The following COL16A1 variants were observed in gnomAD, a reference collection of about 807,000 sequenced individuals.
COL16A1 encodes collagen alpha-1(XVI) chain.
COL16A1 carries 189 observed loss-of-function variants against 266.3 expected under a neutral mutation model. The ratio of observed to expected loss-of-function variants is 0.71; its 90% confidence interval spans 0.63 to 0.80. The LOEUF is 0.80. Ranked by LOEUF, COL16A1 falls within the 30% of genes least tolerant of loss-of-function variation. The probability of loss-of-function intolerance (pLI) is 0.00; values close to 1 mark genes in which losing one functional copy is unlikely to be tolerated. For missense variants in COL16A1, 1,928 were observed against 2,122.4 expected, an observed-to-expected ratio of 0.91 and a Z score of 1.80; for synonymous variants, 740 against 782.3, an observed-to-expected ratio of 0.95 and a Z score of 0.90.
rs1641038364 is a variant in COL16A1 at position 31,655,361 on chromosome 1, G to A, written c.4243C>T (p.Pro1415Ser). Residue 1415 changes from proline to serine, a missense_variant, in exon 67 of 71, where the codon CCG becomes TCG. By Grantham distance (74) the Pro-to-Ser change is moderately conservative (BLOSUM62 -1). Coordinates refer to ENST00000373672, the MANE Select transcript of COL16A1 (RefSeq NM_001856.4). ...PAGERGHPGAPGPSGSPGLPG... is the reference protein window; with the variant it reads ...PAGERGHPGASGPSGSPGLPG... ...AAGCCAGGGCTCCCCGAAGGCCCCGGAGCTCCAGGGTGGCCTCTCTCTCCT... is the reference window on the plus strand; with the variant it reads ...AAGCCAGGGCTCCCCGAAGGCCCCGAAGCTCCAGGGTGGCCTCTCTCTCCT... 1 of 1,613,798 alleles carries A rather than the reference G, an allele frequency of 6.2e-7. No individual in the cohort carries two copies. The highest frequency in any genetic ancestry group is 8.5e-7 in the Non-Finnish European group (1 of 1,179,962).
Position 31,690,568 on chromosome 1 carries a change from G to C in COL16A1, c.1443C>G (p.Ser481Arg). ...GGCCTTCCTTTCCTGGGATCCCCGAGCTGCCCTGTGGTCAGAAGAAAGGAT... is the reference window on the plus strand; with the variant it reads ...GGCCTTCCTTTCCTGGGATCCCCGACCTGCCCTGTGGTCAGAAGAAAGGAT... ...GPPGPKGDKG[S>R]SGIPGKEGPG... Residue 481 changes from serine to arginine, a missense_variant, in exon 21 of 71, where the codon AGC (serine) becomes AGG (arginine). Physicochemically the swap from Ser to Arg is moderately radical, Grantham distance 110. Coordinates refer to ENST00000373672, the MANE Select transcript of COL16A1 (RefSeq NM_001856.4). 6.2e-7 allele frequency: 1 copy of C among 1,613,728 alleles called. No homozygotes were observed. Among genetic ancestry groups the C allele is most frequent in the Non-Finnish European group, 8.5e-7 (1 of 1,179,854 alleles).
rs118065716 is a variant in COL16A1, at chr1:31,673,598, C to T, written c.2860-758G>A. Among the ~76,000 whole-genome samples, 149 of 152,340 alleles carry T rather than the reference C, an allele frequency of 9.8e-4. 4 individuals are homozygous for T. The East Asian group carries it at 0.025, about 25-fold the overall frequency. On this transcript the variant is annotated intron_variant, in intron 44 of 70. Coordinates refer to ENST00000373672, the MANE Select transcript of COL16A1 (RefSeq NM_001856.4). ...ACTGGCATTTACTCAGCACCCATGA[C>T]GCTGGGCATTGTACATAATAAGCCC... is the stretch of plus-strand genomic sequence containing the variant.
chr1:31,688,936 C>T lies in COL16A1; in HGVS notation c.1692G>A (p.Gly564=). 6.2e-7 allele frequency: 1 copy of T among 1,614,148 alleles called. No individual in the cohort carries two copies. Among genetic ancestry groups the T allele is most frequent in the African/African-American group, 1.3e-5 (1 of 75,032 alleles). The part of the protein sequence containing the change: ...EPCLSCSSVV[G]AQHLVSSTGA... ...CTGTGGAGGACACAAGATGCTGGGC[C>T]CCTACAACCGAGCTGCAGGACAAGC... The change falls in exon 25 of 71, where the codon GGG becomes GGA. Residue 564 remains glycine, a synonymous_variant. Transcript: ENST00000373672. This position sits in a 1 kb window ranked among gnomAD's most constrained non-coding sequence, Gnocchi z 4.9.
In COL16A1 at chr1:31,659,047, A is replaced by C. The variant is rs1234142594; in HGVS notation, c.3880-83T>G. ...GGCACAGGGCCTGACAGCAGAAACA[A>C]GCTCTAAACTTCAGCAGCTCCATTT... On this transcript the variant is annotated intron_variant, in intron 62 of 70. Coordinates refer to ENST00000373672, the MANE Select transcript of COL16A1 (RefSeq NM_001856.4). 5 of 1,266,210 alleles carry C rather than the reference A, an allele frequency of 3.9e-6. No homozygotes were observed. In the Admixed American group the frequency reaches 1.0e-4, roughly 26 times the overall value. The allele number at this position is 1,266,210 out of a possible 1,614,324, so 78.4% of individuals were successfully genotyped here.
intron 60 of COL16A1, 146 bp downstream of exon 60, chr1:31,661,268 T>G (rs931433961): frequency 5.5e-5 from 83 of 1,502,038 alleles, no homozygotes; most frequent in Non-Finnish European, 7.5e-5. Context: ...AGAGAAGCCC[T>G]GACCCAGTCT....
At chr1:31,655,682 G>A in intron 66 of COL16A1, 180 bp from the exon 67 acceptor site, 2 of 1,043,548 alleles carry the variant, frequency 1.9e-6, no homozygotes, top group Non-Finnish European at 2.7e-6. Context: ...CAGTTCTCCT[G>A]GTGTTACTCC....
intron 17 of COL16A1, 136 bp from the exon 18 acceptor site, chr1:31,691,778 C>A: frequency 8.2e-7 from 1 of 1,224,980 alleles, no homozygotes; most frequent in South Asian, 1.5e-5. Flanking sequence ...GCCCCAAGGT[C>A]AGCACATGTC....
intron 55 of COL16A1, 27 bp from the exon 56 acceptor site, chr1:31,665,261 A>G (rs1642028152): frequency 6.3e-7 from 1 of 1,583,654 alleles, no homozygotes; most frequent in African/African-American, 1.4e-5. Context: ...GCAGGCAGGA[A>G]TGAAAGTGGG....
rs762810961 is a variant in COL16A1 at position 31,691,446 on chromosome 1, G to T, written c.1369C>A (p.Pro457Thr). 6 of 1,612,888 alleles carry T rather than the reference G, an allele frequency of 3.7e-6. No individual in the cohort carries two copies. Among genetic ancestry groups the T allele is most frequent in the East Asian group, 4.5e-5 (2 of 44,876 alleles). Residue 457 changes from proline to threonine, a missense_variant, in exon 19 of 71, where the codon CCC becomes ACC. Physicochemically the swap from Pro to Thr is conservative, Grantham distance 38. Coordinates refer to ENST00000373672, the MANE Select transcript of COL16A1 (RefSeq NM_001856.4). ...GTCCCAGGCAGTCCTATCCCAGGGG[G>T]TCCAGGGAGGCCGGGGGGCCCAGGC... ...GEPGPPGLPG[P>T]PGIGLPGTPG...
chr1:31,697,133 T>G lies in COL16A1; in HGVS notation c.739-45A>C. ...GGCTAGGGTCAGTACAGGAGCAGAC[T>G]CCTCCTAAGACCTCCAGGCATCACC... On this transcript the variant is annotated intron_variant, in intron 7 of 70. Transcript: ENST00000373672. The surrounding 1 kb of genome is among the most constrained non-coding windows in gnomAD (Gnocchi z 4.2). The G allele has an allele frequency of 6.2e-7, 1 of 1,613,104 alleles. No individual in the cohort carries two copies. Among genetic ancestry groups the G allele is most frequent in the Non-Finnish European group, 8.5e-7 (1 of 1,179,400 alleles).
chr1:31,671,360 G>A (rs182833864), intron 48 of COL16A1, among the ~76,000 whole-genome samples: 3 of 152,188 alleles, frequency 2.0e-5, no homozygotes, highest in Non-Finnish European at 4.4e-5. Context: ...GTGGGGACAG[G>A]GAAGCAAAGA....
chr1:31,688,976 G>C lies in COL16A1; in HGVS notation c.1657-5C>G, dbSNP rs769433105. On this transcript the variant is annotated splice_polypyrimidine_tract_variant and splice_region_variant and intron_variant, in intron 24 of 70. Transcript: ENST00000373672. The surrounding 1 kb of genome is among the most constrained non-coding windows in gnomAD (Gnocchi z 4.9). Reference sequence around the variant, plus strand: ...GCAGGACAAGCAGGGCTCCCCCTGGGGAAAGAAGAGGAAGGATCAGAAATG... The same window carrying C: ...GCAGGACAAGCAGGGCTCCCCCTGGCGAAAGAAGAGGAAGGATCAGAAATG... 3.1e-6 allele frequency: 5 copies of C among 1,613,994 alleles called. No individual in the cohort carries two copies. The Admixed American group carries it at 6.7e-5, about 22-fold the overall frequency.
rs114864491 is a variant in COL16A1, at chr1:31,680,870, C to A, written c.2610+35G>T. ...GGGAAGGCTGGAGGGGCTGCTAATC[C>A]CCTAGAATATGGGTCACAGGCCCTT... On this transcript the variant is annotated intron_variant, in intron 39 of 70. Transcript: ENST00000373672. 350 of 1,614,030 alleles carry A rather than the reference C, an allele frequency of 2.2e-4. No homozygotes were observed. The African/African-American group carries it at 4.3e-3, about 20-fold the overall frequency.
At position 31,666,059 on chromosome 1, in the gene COL16A1, A is replaced by G; in HGVS notation, c.3380T>C (p.Leu1127Pro). The change falls in exon 53 of 71, where the codon CTC becomes CCC. Residue 1127 changes from leucine (L) to proline (P), a missense_variant. Leu to Pro is a moderately conservative substitution (Grantham distance 98). Around this residue, in one of 2 missense-constraint regions of COL16A1, gnomAD observed 1,552 missense variants for 1,637.2 expected, o/e 0.95. Coordinates refer to ENST00000373672, the MANE Select transcript of COL16A1 (RefSeq NM_001856.4). ...GEPGPPGSEGLPGPPGPAGPR... is the reference protein window; with the variant it reads ...GEPGPPGSEGPPGPPGPAGPR... ...CACCGCTGGGCCTGGGGGGCCTGGG[A>G]GGCCTTCAGATCCTGGGGGGCCCTA... 1 of 1,612,790 alleles carries G rather than the reference A, an allele frequency of 6.2e-7. No homozygotes were observed. Among genetic ancestry groups the G allele is most frequent in the South Asian group, 1.1e-5 (1 of 91,048 alleles).
intron 44 of COL16A1, chr1:31,673,169 G>A: frequency 2.5e-6 from 1 of 394,172 alleles, no homozygotes; most frequent in East Asian, 6.0e-5. Context: ...TGCACCCACT[G>A]CGAGGACAAG....
chr1:31,679,779 G>T (rs371885605), intron 41 of COL16A1, 25 bp downstream of exon 41: 1 of 1,580,726 alleles, frequency 6.3e-7, no homozygotes, highest in Non-Finnish European at 8.6e-7. Context: ...GGGCGCTGGC[G>T]GACAAGAGGA....
Position 31,656,544 on chromosome 1 carries a change from C to T in COL16A1, c.4057-100G>A. The T allele has an allele frequency of 6.5e-7, 1 of 1,529,762 alleles. No homozygotes were observed. Among genetic ancestry groups the T allele is most frequent in the Non-Finnish European group, 8.8e-7 (1 of 1,136,970 alleles). 94.8% of individuals were successfully genotyped at this position (1,529,762 alleles called of 1,614,324 possible). ...AGAGGCCCCTTCCACAGCCTGAGGC[C>T]CCCAGGTGTGTCCAGCCCAGCTCTG... On this transcript the variant is annotated intron_variant, in intron 65 of 70. Coordinates refer to ENST00000373672, the MANE Select transcript of COL16A1 (RefSeq NM_001856.4). This position sits in a 1 kb window ranked among gnomAD's most constrained non-coding sequence, Gnocchi z 4.2.
chr1:31,695,337 G>T (rs1480795422), intron 10 of COL16A1, 116 bp from the exon 11 acceptor site: 2 of 992,196 alleles, frequency 2.0e-6, no homozygotes, highest in African/African-American at 3.2e-5. Flanking sequence ...GAATCTGAGG[G>T]GAGCCTGAAG....
At chr1:31,672,381 C>G (rs1320154399) in intron 47 of COL16A1, 35 bp downstream of exon 47, 2 of 1,612,124 alleles carry the variant, frequency 1.2e-6, no homozygotes, top group Admixed American at 1.7e-5. Flanking sequence ...AGGGCCCCAG[C>G]TCCCTTGAGG....
Sources: allele counts gnomAD v4.1 joint callset (sites outside exome capture counted in the v4.1 genomes callset), GRCh38; gene constraint gnomAD v4.1.1; regional missense constraint gnomAD v4.1.1; non-coding constraint Gnocchi (gnomAD v3.1); transcripts MANE v1.5; gene names NCBI Gene and HGNC (gene_info 2026-07-23, HGNC 2026-07-21).